Variants in CTSH observed in about 807,000 individuals in gnomAD.
CTSH encodes cathepsin H.
CTSH carries 52 observed loss-of-function variants against 56.3 expected under a neutral mutation model. The observed-to-expected ratio is 0.92, with a 90% confidence interval of 0.74 to 1.16. The LOEUF (loss-of-function observed/expected upper bound fraction) is 1.16. CTSH is among the 50% of genes most tolerant of loss of function. The pLI is 0.00. For missense variants in CTSH, 406 were observed against 424.5 expected (o/e 0.96, Z 0.38); for synonymous variants, 174 against 155.7 (o/e 1.12, Z -0.88).
intron 9 of CTSH, chr15:78,927,500 A>ATT: frequency 3.5e-6 from 2 of 571,120 alleles, no homozygotes; most frequent in Admixed American, 3.1e-5. Flanking sequence ...TCTGGAGTTC[A>ATT]GAACCAGAGG....
intron 1 of CTSH, among the ~76,000 whole-genome samples, chr15:78,943,567 C>T (rs780494167): frequency 1.1e-4 from 16 of 152,174 alleles, no homozygotes; most frequent in Non-Finnish European, 2.2e-4. Context: ...GGGCTACAAA[C>T]GGTTTCTTAC....
At chr15:78,934,192 CT>C (rs1368292498) in intron 5 of CTSH, among the ~76,000 whole-genome samples, 1 of 152,210 alleles carries the variant, frequency 6.6e-6, no homozygotes, top group East Asian at 1.9e-4. Context: ...GCCCGGGAGG[CT>C]TTAAAGCTGT....
At chr15:78,939,374 T>C (rs2055241697) in intron 1 of CTSH, among the ~76,000 whole-genome samples, 1 of 152,242 alleles carries the variant, frequency 6.6e-6, no homozygotes. Flanking sequence ...TGAAAAAGTA[T>C]ATACTATTAG....
intron 10 of CTSH, among the ~76,000 whole-genome samples, chr15:78,924,393 G>A (rs747315644): frequency 2.6e-5 from 4 of 152,132 alleles, no homozygotes; most frequent in Admixed American, 2.6e-4. Context: ...ACAGTGTGTG[G>A]GGGGTTAGGG....
intron 6 of CTSH, chr15:78,931,891 A>G: frequency 5.7e-6 from 7 of 1,218,718 alleles, no homozygotes; most frequent in Non-Finnish European, 7.3e-6. Flanking sequence ...CAGGGTCCTC[A>G]TGGCATCACC....
Position 78,932,423 on chromosome 15 carries a change from A to T in CTSH, c.441T>A (p.Thr147=). 6.2e-7 allele frequency: 1 copy of T among 1,614,108 alleles called. No individual in the cohort carries two copies. The highest frequency in any genetic ancestry group is 8.5e-7 in the Non-Finnish European group (1 of 1,180,008). The change falls in exon 6 of 12, where the codon ACT becomes ACA. Residue 147 remains threonine (T), a synonymous_variant. Transcript: ENST00000220166. ...ACGSCWTFST[T]GALESAIAIA... is the part of the protein sequence containing the mutation. Reference sequence around the variant, plus strand: ...TGGCGATCGCAGACTCCAGGGCCCCAGTGGTGGAGAAAGTCCAGCAACTGC... The same window carrying T: ...TGGCGATCGCAGACTCCAGGGCCCCTGTGGTGGAGAAAGTCCAGCAACTGC...
At position 78,925,436 on chromosome 15, in the gene CTSH, T is replaced by C. The variant is rs2054883289; in HGVS notation, c.704A>G (p.Asp235Gly). 3 of 1,610,028 alleles carry C rather than the reference T, an allele frequency of 1.9e-6. No homozygotes were observed. Among genetic ancestry groups the C allele is most frequent in the Non-Finnish European group, 2.6e-6 (3 of 1,176,448 alleles). The change falls in exon 10 of 12, where the codon GAC becomes GGC. Residue 235 changes from aspartate (D) to glycine (G), a missense_variant. By Grantham distance (94) the Asp-to-Gly change is moderately conservative. Coordinates refer to ENST00000220166, the MANE Select transcript of CTSH (RefSeq NM_004390.5). The part of the protein sequence containing the change: ...VKDVANITIY[D>G]EEAMVEAVAL... ...CACAGCCTCCACCATCGCTTCCTCG[T>C]CATACTGTGGAAACAGGACCGAGAC... is the stretch of plus-strand genomic sequence containing the variant.
chr15:78,939,270 CTG>C (rs1212236608), intron 1 of CTSH, 99 bp from the exon 2 acceptor site: 4 of 941,932 alleles, frequency 4.2e-6, no homozygotes, highest in Admixed American at 3.1e-5. Flanking sequence ...TTTTCGAAAA[CTG>C]GACTAAATTT....
chr15:78,933,625 C>T lies in CTSH; in HGVS notation c.406-1167G>A, dbSNP rs571784374. The T allele has an allele frequency of 1.4e-5, 6 of 425,058 alleles. No homozygotes were observed. In the East Asian group the frequency reaches 2.1e-4, roughly 15 times the overall value. 26.3% of individuals were successfully genotyped at this position (425,058 alleles called of 1,614,324 possible). The stretch of plus-strand genomic sequence containing the variant: ...GTCAACGAGGCAGACGTGGCCACTT[C>T]GGGGGAGACTAAGCTCACTGCTGAA... On this transcript the variant is annotated intron_variant, in intron 5 of 11. Transcript: ENST00000220166.
intron 1 of CTSH, among the ~76,000 whole-genome samples, chr15:78,941,410 C>T (rs113203439): frequency 0.11 from 12,553 of 111,132 alleles, 645 homozygotes; most frequent in East Asian, 0.28. Flanking sequence ...GGCGACAAAG[C>T]GAGACTCTGT....
In CTSH at chr15:78,935,761, G is replaced by C. The variant is rs2055161331; in HGVS notation, c.230-11C>G. 1.3e-6 allele frequency: 2 copies of C among 1,599,620 alleles called. No homozygotes were observed. Among genetic ancestry groups the C allele is most frequent in the African/African-American group, 1.3e-5 (1 of 74,466 alleles). Reference sequence around the variant, plus strand: ...ATTGGTTCAGTGCCACTACAAAAGAGAAGGAAAAAACCAAAACAGAAATGG... The same window carrying C: ...ATTGGTTCAGTGCCACTACAAAAGACAAGGAAAAAACCAAAACAGAAATGG... On this transcript the variant is annotated splice_polypyrimidine_tract_variant and intron_variant, in intron 3 of 11. Coordinates refer to ENST00000220166, the MANE Select transcript of CTSH (RefSeq NM_004390.5).
At chr15:78,925,156 T>C (rs192056526) in intron 10 of CTSH, among the ~76,000 whole-genome samples, 178 bp downstream of exon 10, 1 of 152,196 alleles carries the variant, frequency 6.6e-6, no homozygotes, top group Non-Finnish European at 1.5e-5. Context: ...CTCCTGGCCC[T>C]TGGGGCTGTG....
intron 7 of CTSH, among the ~76,000 whole-genome samples, chr15:78,930,705 A>G (rs1329294079): frequency 6.6e-6 from 1 of 152,120 alleles, no homozygotes; most frequent in Admixed American, 6.5e-5. Context: ...AGAGCAGGCT[A>G]CGACGTCACC....
chr15:78,923,175 G>A, intron 10 of CTSH, 57 bp from the exon 11 acceptor site: 1 of 1,597,238 alleles, frequency 6.3e-7, no homozygotes, highest in Non-Finnish European at 8.5e-7. Context: ...AGCAATGACA[G>A]TCCCATCCAA....
chr15:78,929,386 G>A, intron 8 of CTSH, 26 bp downstream of exon 8: 1 of 1,581,908 alleles, frequency 6.3e-7, no homozygotes, highest in African/African-American at 1.3e-5. Flanking sequence ...ACGCCAAGAA[G>A]ACAGAGTGGA....
chr15:78,933,817 G>A (rs960069774), intron 5 of CTSH, among the ~76,000 whole-genome samples: 3 of 152,202 alleles, frequency 2.0e-5, no homozygotes, highest in Admixed American at 1.3e-4. Context: ...GCTGATGGAC[G>A]CTGTGGCTGC....
Position 78,945,009 on chromosome 15 carries a change from C to T in CTSH, c.-28G>A, listed in dbSNP as rs2055370202. 1 of 1,511,770 alleles carries T rather than the reference C, an allele frequency of 6.6e-7. No individual in the cohort carries two copies. Among genetic ancestry groups the T allele is most frequent in the Non-Finnish European group, 8.8e-7 (1 of 1,131,290 alleles). The allele number at this position is 1,511,770 out of a possible 1,614,324, so 93.6% of individuals were successfully genotyped here. On this transcript the variant is annotated 5_prime_UTR_variant, in exon 1 of 12. Transcript: ENST00000220166. ...CAGCGCTGGCGGCTTGGCTCTTGCG[C>T]TCAGGGTCCGCGGAGGTGGCGGCCC...
chr15:78,925,407 G>A lies in CTSH; in HGVS notation c.733C>T (p.Leu245Phe). 6.2e-7 allele frequency: 1 copy of A among 1,613,904 alleles called. No homozygotes were observed. Among genetic ancestry groups the A allele is most frequent in the Non-Finnish European group, 8.5e-7 (1 of 1,179,798 alleles). ...AAGGCAAAGCTCACAGGGTTGTAGA[G>A]GGCCACAGCCTCCACCATCGCTTCC... ...DEEAMVEAVA[L>F]YNPVSFAFEV... The change falls in exon 10 of 12, where the codon CTC becomes TTC. Residue 245 changes from leucine to phenylalanine, a missense_variant. Physicochemically the swap from Leu to Phe is conservative, Grantham distance 22 (BLOSUM62 0). Coordinates refer to ENST00000220166, the MANE Select transcript of CTSH (RefSeq NM_004390.5).
intron 1 of CTSH, among the ~76,000 whole-genome samples, chr15:78,941,514 T>C (rs1184118759): frequency 7.0e-6 from 1 of 143,630 alleles, no homozygotes; most frequent in Admixed American, 7.1e-5. Flanking sequence ...ATTCTGGAGC[T>C]GGGCGCGGTG....
Sources: gnomAD v4.1 joint callset for allele counts (sites outside exome capture counted in the v4.1 genomes callset) on GRCh38, gnomAD v4.1.1 for gene constraint, MANE v1.5 for transcripts, NCBI Gene and HGNC (gene_info 2026-07-23, HGNC 2026-07-21) for gene names.